USP26: variants seen among roughly 807,000 people sequenced by gnomAD.
The protein encoded by USP26 is ubiquitin carboxyl-terminal hydrolase 26.
For missense variants in USP26, 649 were observed against 642.3 expected, an observed-to-expected ratio of 1.01 and a Z score of -0.11; for synonymous variants, 236 against 240.6, an observed-to-expected ratio of 0.98 and a Z score of 0.18.
At chrX:133,084,141 T>C (rs1406511274) in intron 4 of USP26, among the ~76,000 whole-genome samples, 3 of 112,429 alleles carry the variant, frequency 2.7e-5, no homozygotes, top group African/African-American at 6.5e-5. Flanking sequence ...CCAGCCACAG[T>C]ACAGCACTCT....
At chrX:133,075,827 G>T (rs1051655930) in intron 5 of USP26, among the ~76,000 whole-genome samples, 2 of 111,736 alleles carry the variant, frequency 1.8e-5, no homozygotes, top group Admixed American at 1.9e-4. Flanking sequence ...ATTAGAAGAA[G>T]AGAAAATCCT....
intron 5 of USP26, among the ~76,000 whole-genome samples, chrX:133,046,650 A>G (rs771671014): frequency 3.6e-5 from 4 of 111,395 alleles, no homozygotes; most frequent in Admixed American, 9.6e-5. Flanking sequence ...AGAGAGAGAG[A>G]GAGAGAAACA....
chrX:133,086,105 G>A (rs1277726376), intron 4 of USP26, among the ~76,000 whole-genome samples: 1 of 110,958 alleles, frequency 9.0e-6, no homozygotes, highest in Non-Finnish European at 1.9e-5. Flanking sequence ...AGAGTAAGTA[G>A]GTTAGAAAAT....
chrX:133,089,126 T>G (rs1412235899), intron 4 of USP26, among the ~76,000 whole-genome samples: 3 of 104,226 alleles, frequency 2.9e-5, no homozygotes, highest in Non-Finnish European at 6.0e-5. Context: ...GAAATGAGGA[T>G]TTTTTTTTTT....
intron 5 of USP26, among the ~76,000 whole-genome samples, chrX:133,055,291 A>G (rs1461714926): frequency 9.0e-6 from 1 of 111,675 alleles, no homozygotes; most frequent in African/African-American, 3.3e-5. Flanking sequence ...AAGGTTGCCA[A>G]TGAGATTAGA....
At chrX:133,069,761 C>T (rs2067524764) in intron 5 of USP26, among the ~76,000 whole-genome samples, 1 of 111,594 alleles carries the variant, frequency 9.0e-6, no homozygotes, top group Non-Finnish European at 1.9e-5. Context: ...AACTGCCTCA[C>T]ACACACGTTT....
At chrX:133,093,050 AG>A (rs767687417) in intron 1 of USP26, among the ~76,000 whole-genome samples, 6 of 111,683 alleles carry the variant, frequency 5.4e-5, no homozygotes, top group Non-Finnish European at 7.5e-5. Context: ...TGAGCCCAGG[AG>A]TTGGAGACCA....
At position 133,025,446 on chromosome X, in the gene USP26, A is replaced by C; in HGVS notation, c.*33T>G. 8.3e-7 allele frequency: 1 copy of C among 1,209,874 alleles called. No homozygotes were observed. The highest frequency in any genetic ancestry group is 1.1e-6 in the Non-Finnish European group (1 of 895,014). ...GGAAGTGGTATCGAGTGAGACAGTC[A>C]GGCAGATCTGTACAAGGAGGAGTAC... On this transcript the variant is annotated 3_prime_UTR_variant, in exon 6 of 6. Transcript: ENST00000511190.
chrX:133,079,752 A>G (rs1159288529), intron 5 of USP26, among the ~76,000 whole-genome samples: 1 of 112,059 alleles, frequency 8.9e-6, no homozygotes, highest in Admixed American at 9.5e-5. Flanking sequence ...GAAGCCAAGA[A>G]AGAGAAAATT....
chrX:133,073,681 G>A (rs2067537764), intron 5 of USP26, among the ~76,000 whole-genome samples: 1 of 111,283 alleles, frequency 9.0e-6, no homozygotes, highest in East Asian at 2.8e-4. Flanking sequence ...CCTAACCCCA[G>A]TCTAGCTCTG....
intron 5 of USP26, among the ~76,000 whole-genome samples, chrX:133,058,285 G>A (rs941336099): frequency 1.8e-5 from 2 of 110,880 alleles, no homozygotes; most frequent in Admixed American, 1.9e-4. Flanking sequence ...ATCTATAAAT[G>A]TCAATTAGAT....
chrX:133,025,699 T>C lies in USP26; in HGVS notation c.2522A>G (p.His841Arg). Residue 841 changes from histidine (H) to arginine (R), a missense_variant, in exon 6 of 6, where the codon CAT becomes CGT. By Grantham distance (29) the His-to-Arg change is conservative (BLOSUM62 0). Transcript: ENST00000511190. ...SHLGKTLKSG[H>R]YICDAYDFEK... The stretch of plus-strand genomic sequence containing the variant: ...AAAGTCATAGGCATCACAGATATAA[T>C]GGCCTGACTTTAGAGTCTTCCCAAG... The C allele has an allele frequency of 8.3e-7, 1 of 1,211,845 alleles. No individual in the cohort carries two copies. The highest frequency in any genetic ancestry group is 1.1e-6 in the Non-Finnish European group (1 of 895,480).
chrX:133,067,490 G>T (rs1469815608), intron 5 of USP26, among the ~76,000 whole-genome samples: 1 of 112,426 alleles, frequency 8.9e-6, no homozygotes, highest in East Asian at 2.8e-4. Flanking sequence ...GCCCATCAAT[G>T]ACCGAATGAA....
intron 4 of USP26, among the ~76,000 whole-genome samples, chrX:133,084,017 T>TC (rs2067579207): frequency 9.0e-6 from 1 of 110,905 alleles, no homozygotes; most frequent in South Asian, 3.9e-4. Flanking sequence ...AAGCCAAAGC[T>TC]CACAGGTCTT....
chrX:133,072,310 TATGC>T (rs1293165729), intron 5 of USP26, among the ~76,000 whole-genome samples: 5 of 112,260 alleles, frequency 4.5e-5, no homozygotes, highest in Non-Finnish European at 9.4e-5. Context: ...TGCATGTGTG[TATGC>T]ATGCGCATGC....
At chrX:133,095,049 C>T (rs1483571236) in intron 1 of USP26, among the ~76,000 whole-genome samples, 1 of 93,723 alleles carries the variant, frequency 1.1e-5, no homozygotes, top group Non-Finnish European at 2.0e-5. Flanking sequence ...GAGCTGGGAT[C>T]GTGCCACTGC....
At chrX:133,095,892 A>G (rs1048192454) in intron 1 of USP26, among the ~76,000 whole-genome samples, 5 of 109,975 alleles carry the variant, frequency 4.5e-5, no homozygotes, top group Admixed American at 9.8e-5. Context: ...TTACAGGCAC[A>G]TATCACCACG....
intron 5 of USP26, among the ~76,000 whole-genome samples, chrX:133,078,184 T>C (rs2067557134): frequency 1.8e-5 from 2 of 111,213 alleles, no homozygotes; most frequent in Non-Finnish European, 3.8e-5. Context: ...TCCACTATGA[T>C]TGTAAGCTTC....
At chrX:133,038,100 T>A (rs947483785) in intron 5 of USP26, among the ~76,000 whole-genome samples, 1 of 111,441 alleles carries the variant, frequency 9.0e-6, no homozygotes, top group African/African-American at 3.3e-5. Flanking sequence ...TATACAATCA[T>A]GTCTGCAAAC....
Sources: allele counts gnomAD v4.1 joint callset (sites outside exome capture counted in the v4.1 genomes callset), GRCh38; gene constraint gnomAD v4.1.1; transcripts MANE v1.5; gene names NCBI Gene and HGNC (gene_info 2026-07-23, HGNC 2026-07-21).